The following WFDC1 variants were observed in gnomAD, a reference collection of about 807,000 sequenced individuals.
WFDC1 encodes WAP four-disulfide core domain 1, also known as WAP four-disulfide core domain protein 1.
Under a neutral mutation model 32.9 loss-of-function variants are expected in WFDC1, and 39 were observed. The ratio of observed to expected loss-of-function variants is 1.19; its 90% CI spans 0.92 to 1.55. The LOEUF (loss-of-function observed/expected upper bound fraction) is 1.55. WFDC1 is among the 40% of genes most tolerant of loss of function. The pLI is 0.00. For missense variants in WFDC1, 386 were observed against 309.5 expected (o/e 1.25, Z -1.85); for synonymous variants, 184 against 137.4 (o/e 1.34, Z -2.37).
At chr16:84,311,734 G>A (rs1218432086) in intron 1 of WFDC1, among the ~76,000 whole-genome samples, 1 of 120,688 alleles carries the variant, frequency 8.3e-6, no homozygotes, top group South Asian at 2.7e-4. Context: ...AAGGGGTTTC[G>A]CTATGTTGGC....
At chr16:84,319,350 G>T (rs1908156389) in intron 3 of WFDC1, 81 bp from the exon 4 acceptor site, 1 of 1,553,000 alleles carries the variant, frequency 6.4e-7, no homozygotes, top group Admixed American at 1.8e-5. Flanking sequence ...ACCCGTCCCG[G>T]GAGTCTGCCT....
intron 1 of WFDC1, among the ~76,000 whole-genome samples, chr16:84,300,746 G>A (rs1007019024): frequency 1.9e-4 from 29 of 152,146 alleles, no homozygotes; most frequent in Non-Finnish European, 1.5e-5. Context: ...GAGGTGGGCG[G>A]ATCACCCGAG....
At chr16:84,310,279 T>C (rs57040673) in intron 1 of WFDC1, among the ~76,000 whole-genome samples, 31,468 of 151,554 alleles carry the variant, frequency 0.21, 4,494 homozygotes, top group African/African-American at 0.4. Context: ...CCTTGAGCGC[T>C]GATTTGAGTC....
At chr16:84,310,537 G>A (rs1214518348) in intron 1 of WFDC1, among the ~76,000 whole-genome samples, 1 of 152,054 alleles carries the variant, frequency 6.6e-6, no homozygotes, top group East Asian at 1.9e-4. Flanking sequence ...ACTGCAGAAG[G>A]GTGTACAATA....
intron 2 of WFDC1, chr16:84,317,949 G>T: frequency 3.5e-6 from 1 of 287,050 alleles, no homozygotes; most frequent in Non-Finnish European, 7.0e-6. Context: ...CCCCCAGCCT[G>T]CAGGAAGGAA....
intron 1 of WFDC1, among the ~76,000 whole-genome samples, chr16:84,308,310 G>A (rs994329857): frequency 6.6e-6 from 1 of 152,176 alleles, no homozygotes. Flanking sequence ...CAGGGACCTG[G>A]TGCCCCCTGC....
intron 5 of WFDC1, among the ~76,000 whole-genome samples, chr16:84,325,316 C>T (rs1161004421): frequency 2.6e-5 from 4 of 151,998 alleles, no homozygotes; most frequent in South Asian, 2.1e-4. Flanking sequence ...AGTTCTCCTG[C>T]GTCAGCCTCC....
chr16:84,324,843 C>A (rs1168309303), intron 5 of WFDC1, among the ~76,000 whole-genome samples: 1 of 151,780 alleles, frequency 6.6e-6, no homozygotes. Flanking sequence ...CATCTACCCA[C>A]CCATCCATCT....
intron 1 of WFDC1, among the ~76,000 whole-genome samples, chr16:84,309,260 G>A (rs1907465192): frequency 6.6e-6 from 1 of 152,064 alleles, no homozygotes; most frequent in African/African-American, 2.4e-5. Flanking sequence ...CTATATCTAA[G>A]TTATTAAATC....
Position 84,313,065 on chromosome 16 carries a change from TC to T in WFDC1, c.250del (p.Gln84ArgfsTer22). ...CCGGCGCCTGCCAGGCCGCGCGCTG[TC>T]AGGCGGACTCCGAGTGCCCGCGGCA... ...PPGACQAARC[Q>X]ADSECPRHRR... is the part of the protein sequence containing the mutation. On this transcript the variant is annotated frameshift_variant, in exon 2 of 7. Coordinates refer to ENST00000219454, the MANE Select transcript of WFDC1 (RefSeq NM_021197.4). LOFTEE classifies it high-confidence loss of function. 1.4e-6 allele frequency: 2 copies of T among 1,411,068 alleles called. No homozygotes were observed. The highest frequency in any genetic ancestry group is 1.8e-6 in the Non-Finnish European group (2 of 1,086,238). 87.4% of individuals were successfully genotyped at this position (1,411,068 alleles called of 1,614,324 possible).
intron 1 of WFDC1, among the ~76,000 whole-genome samples, chr16:84,301,746 T>G (rs1271271701): frequency 6.6e-6 from 1 of 152,114 alleles, no homozygotes; most frequent in Non-Finnish European, 1.5e-5. Context: ...GAGGGGGGAC[T>G]GGAAGGAATG....
Position 84,319,561 on chromosome 16 carries a change from C to A in WFDC1, c.552C>A (p.Arg184=), listed in dbSNP as rs776464426. 6 of 1,612,368 alleles carry A rather than the reference C, an allele frequency of 3.7e-6. No individual in the cohort carries two copies. The South Asian group carries it at 6.6e-5, about 18-fold the overall frequency. The change falls in exon 4 of 7, where the codon CGC becomes CGA. Residue 184 remains arginine, a synonymous_variant. Transcript: ENST00000219454. ...IPNRGQCVKQ[R]RQADGRILRH... is the part of the protein sequence containing the mutation. ...ACCGTGGGCAGTGCGTCAAGCAGCG[C>A]CGGCAAGCAGGTGAGTGTGGCACCC...
intron 2 of WFDC1, among the ~76,000 whole-genome samples, chr16:84,314,373 G>A (rs1053874459): frequency 1.3e-5 from 2 of 152,100 alleles, no homozygotes; most frequent in East Asian, 1.9e-4. Flanking sequence ...TAGGATTTGC[G>A]GCAAGGAAGT....
chr16:84,304,420 G>A (rs1462455191), intron 1 of WFDC1, among the ~76,000 whole-genome samples: 1 of 152,136 alleles, frequency 6.6e-6, no homozygotes, highest in East Asian at 1.9e-4. Flanking sequence ...GTAGAGACGG[G>A]TTTCACCATA....
chr16:84,298,875 C>T (rs919801381), intron 1 of WFDC1, among the ~76,000 whole-genome samples: 5 of 152,308 alleles, frequency 3.3e-5, no homozygotes, highest in African/African-American at 7.2e-5. Context: ...CCGGGTCTCC[C>T]GCCTTCTATC....
chr16:84,309,863 C>T (rs1275658391), intron 1 of WFDC1, among the ~76,000 whole-genome samples: 1 of 38,820 alleles, frequency 2.6e-5, no homozygotes, highest in Non-Finnish European at 4.6e-5. Context: ...GTGGGGGGGG[C>T]GTGCTTGTGT....
At chr16:84,310,232 G>A (rs1907531271) in intron 1 of WFDC1, among the ~76,000 whole-genome samples, 1 of 151,880 alleles carries the variant, frequency 6.6e-6, no homozygotes. Flanking sequence ...CCCTAACCCT[G>A]GCCTGGGAGG....
At position 84,313,055 on chromosome 16, in the gene WFDC1, C is replaced by CCG; in HGVS notation, c.245_246dup (p.Cys83AlafsTer24). ...ACGCTGCCCCCCGGCGCCTGCCAGG[C>CCG]CGCGCGCTGTCAGGCGGACTCCGAG... On this transcript the variant is annotated frameshift_variant, in exon 2 of 7. Coordinates refer to ENST00000219454, the MANE Select transcript of WFDC1 (RefSeq NM_021197.4). LOFTEE classifies it high-confidence loss of function. 7.2e-7 allele frequency: 1 copy of CCG among 1,394,756 alleles called. No individual in the cohort carries two copies. Among genetic ancestry groups the CCG allele is most frequent in the Non-Finnish European group, 9.3e-7 (1 of 1,075,982 alleles). The allele number at this position is 1,394,756 out of a possible 1,614,324, so 86.4% of individuals were successfully genotyped here. A position where few individuals can be genotyped will look rare whatever the true frequency, so the allele number is the denominator to read the frequency against.
Position 84,321,625 on chromosome 16 carries a change from A to T in WFDC1, c.562+2054A>T, listed in dbSNP as rs536243593. ...TAGTTCTTAAGGGTTCAAACCAGTTAAAAAAATTCCCATTTCAAGACAGAG... is the reference window on the plus strand; with the variant it reads ...TAGTTCTTAAGGGTTCAAACCAGTTTAAAAAATTCCCATTTCAAGACAGAG... On this transcript the variant is annotated intron_variant, in intron 4 of 6. Transcript: ENST00000219454. Among the ~76,000 whole-genome samples the T allele has an allele frequency of 8.5e-5, 13 of 152,270 alleles. 1 individual carries two copies. In the South Asian group the frequency reaches 2.3e-3, roughly 27 times the overall value.
Sources: allele counts gnomAD v4.1 joint callset (sites outside exome capture counted in the v4.1 genomes callset), GRCh38; gene constraint gnomAD v4.1.1; transcripts MANE v1.5; gene names NCBI Gene and HGNC (gene_info 2026-07-23, HGNC 2026-07-21).